The following NRG1 variants were observed in gnomAD, a reference collection of about 807,000 sequenced individuals.
NRG1 encodes pro-neuregulin-1, membrane-bound isoform.
In NRG1, 18 loss-of-function variants were observed where a neutral mutation model predicts 63.8. That is an observed-to-expected ratio of 0.28 (90% CI 0.19 to 0.42). NRG1 has a LOEUF of 0.42. Ranked by LOEUF, NRG1 falls within the 10% of genes least tolerant of loss-of-function variation. The pLI is 1.00. For missense variants in NRG1, 762 were observed against 814.7 expected (o/e 0.94, Z 0.79); for synonymous variants, 302 against 301.3 (o/e 1.00, Z -0.02).
At chr8:31,899,331 C>T (rs1009608240) in intron 1 of NRG1, among the ~76,000 whole-genome samples, 2 of 151,968 alleles carry the variant, frequency 1.3e-5, no homozygotes, top group Non-Finnish European at 1.5e-5. Flanking sequence ...CCCAACTGCC[C>T]TTTTCAGCCT....
At chr8:32,587,935 G>C (rs2129534752) in intron 1 of NRG1, among the ~76,000 whole-genome samples, 1 of 151,898 alleles carries the variant, frequency 6.6e-6, no homozygotes, top group South Asian at 2.1e-4. Flanking sequence ...GTTTTGTTTT[G>C]TTTTGTTTTT....
intron 1 of NRG1, among the ~76,000 whole-genome samples, chr8:32,273,095 G>A (rs1340564793): frequency 6.6e-6 from 1 of 152,172 alleles, no homozygotes; most frequent in African/African-American, 2.4e-5. Flanking sequence ...GAGGCCAAAT[G>A]AAGAACCATT....
rs16879878 is a variant in NRG1, at chr8:32,725,244, T to A, written c.503-2705T>A. Among the ~76,000 whole-genome samples the A allele has an allele frequency of 8.0e-3, 1,214 of 152,216 alleles. 12 individuals are homozygous for A. Among genetic ancestry groups the A allele is most frequent in the African/African-American group, 0.028 (1,162 of 41,526 alleles). The stretch of plus-strand genomic sequence containing the variant: ...GCTGTTCAGGTTGCATGAAGGGCAA[T>A]CTTTAGCAACCTGTCAGAGATGCAA... On this transcript the variant is annotated intron_variant, in intron 5 of 11. Coordinates refer to ENST00000356819, the Ensembl canonical transcript of NRG1.
exon 9 of NRG1, chr8:32,756,410 C>A: frequency 6.2e-7 from 1 of 1,608,770 alleles, no homozygotes. Flanking sequence ...CAGGAAACAG[C>A]GGAAAAAGCT....
In NRG1 at chr8:31,981,588, G is replaced by A. The variant is rs187710030; in HGVS notation, c.37+342157G>A. 3.3e-5 allele frequency among the ~76,000 whole-genome samples: 5 copies of A among 152,126 alleles called. No individual in the cohort carries two copies. In the East Asian group the frequency reaches 9.7e-4, roughly 29 times the overall value. ...GATTCCAAAATGTTATTTGTAACGT[G>A]TACCTTGATATGCTAATGGTGAAAT... On this transcript the variant is annotated intron_variant, in intron 1 of 10. Coordinates refer to the NRG1 transcript ENST00000519301.
downstream of NRG1, among the ~76,000 whole-genome samples, chr8:32,772,041 GTATATA>G (rs1157977487): frequency 4.3e-3 from 45 of 10,522 alleles, 1 homozygote; most frequent in African/African-American, 0.011. Flanking sequence ...AAAAAAATAT[GTATATA>G]TATATATATA....
chr8:31,791,954 G>A (rs1223177966), intron 1 of NRG1, among the ~76,000 whole-genome samples: 1 of 152,166 alleles, frequency 6.6e-6, no homozygotes, highest in Non-Finnish European at 1.5e-5. Flanking sequence ...CTGCTTACAT[G>A]TTCTAGCTCC....
chr8:32,384,587 A>G (rs1330181392), intron 1 of NRG1, among the ~76,000 whole-genome samples: 2 of 152,202 alleles, frequency 1.3e-5, no homozygotes, highest in East Asian at 3.9e-4. Context: ...AATAGATACA[A>G]TTTTGCCTTT....
intron 5 of NRG1, among the ~76,000 whole-genome samples, chr8:32,640,833 C>T (rs539316180): frequency 7.9e-5 from 12 of 152,058 alleles, no homozygotes; most frequent in African/African-American, 2.4e-4. Flanking sequence ...TGGTGGCTCA[C>T]GACTGTAATA....
At chr8:32,113,067 TG>T (rs934623941) in intron 1 of NRG1, among the ~76,000 whole-genome samples, 12 of 152,092 alleles carry the variant, frequency 7.9e-5, no homozygotes, top group African/African-American at 2.4e-4. Flanking sequence ...CTTCTGAGCA[TG>T]GGGGCTGTAC....
intron 1 of NRG1, among the ~76,000 whole-genome samples, chr8:32,446,491 C>CA (rs1820261713): frequency 6.6e-6 from 1 of 152,000 alleles, no homozygotes; most frequent in African/African-American, 2.4e-5. Flanking sequence ...CCTGTCTCTA[C>CA]AAAAAATACA....
At chr8:31,720,717 AAGTC>A (rs779429718) in intron 1 of NRG1, among the ~76,000 whole-genome samples, 49 of 152,232 alleles carry the variant, frequency 3.2e-4, no homozygotes, top group Non-Finnish European at 5.6e-4. Context: ...AAACGAAAGA[AAGTC>A]AGAGATCAAG....
chr8:31,848,699 C>T (rs1251854962), intron 1 of NRG1, among the ~76,000 whole-genome samples: 1 of 152,194 alleles, frequency 6.6e-6, no homozygotes, highest in Non-Finnish European at 1.5e-5. Flanking sequence ...CTATTATGAA[C>T]TGCACATGCA....
At chr8:32,449,973 G>A (rs1017581844) in intron 1 of NRG1, among the ~76,000 whole-genome samples, 2 of 152,086 alleles carry the variant, frequency 1.3e-5, no homozygotes, top group Admixed American at 6.6e-5. Context: ...ATAAAGTTCC[G>A]GGATGGGAAC....
chr8:31,915,132 C>T (rs988828733), intron 1 of NRG1, among the ~76,000 whole-genome samples: 27 of 151,834 alleles, frequency 1.8e-4, no homozygotes, highest in South Asian at 4.2e-4. Flanking sequence ...ATATTTCATA[C>T]GATTTTTTAG....
chr8:32,055,022 G>T (rs1184828038), intron 1 of NRG1, among the ~76,000 whole-genome samples: 1 of 151,270 alleles, frequency 6.6e-6, no homozygotes, highest in Non-Finnish European at 1.5e-5. Context: ...CGAGTTGCTG[G>T]GTCTACAGGC....
chr8:31,712,753 C>A (rs1041540810), intron 1 of NRG1, among the ~76,000 whole-genome samples: 1 of 152,048 alleles, frequency 6.6e-6, no homozygotes, highest in Admixed American at 6.6e-5. Context: ...TTTGCTAATG[C>A]TCAATACTGA....
chr8:32,485,176 G>A (rs188932284), intron 1 of NRG1, among the ~76,000 whole-genome samples: 4 of 145,958 alleles, frequency 2.7e-5, no homozygotes, highest in East Asian at 2.1e-4. Context: ...GTGTAATGGC[G>A]CAATCTTGGC....
chr8:31,836,120 A>G (rs1294438983), intron 1 of NRG1, among the ~76,000 whole-genome samples: 4 of 152,174 alleles, frequency 2.6e-5, no homozygotes, highest in Non-Finnish European at 4.4e-5. Context: ...GACTCAGAGC[A>G]TGAAAAGGAG....
Sources: gnomAD v4.1 joint callset for allele counts (sites outside exome capture counted in the v4.1 genomes callset) on GRCh38, gnomAD v4.1.1 for gene constraint, MANE v1.5 for transcripts, NCBI Gene and HGNC (gene_info 2026-07-23, HGNC 2026-07-21) for gene names.